LIMA1: variants seen among roughly 807,000 people sequenced by gnomAD.
The protein encoded by LIMA1 is LIM domain and actin-binding protein 1.
In LIMA1, 52 loss-of-function variants were observed where a neutral mutation model predicts 62.6. That is an observed-to-expected ratio of 0.83 (90% CI 0.67 to 1.05). LIMA1 has a LOEUF of 1.05. Ranked by LOEUF, LIMA1 falls within the 50% of genes least tolerant of loss-of-function variation. LIMA1 has a pLI of 0.00. For missense variants in LIMA1, 780 were observed against 902.2 expected, an observed-to-expected ratio of 0.86 and a Z score of 1.74; for synonymous variants, 302 against 317.8, an observed-to-expected ratio of 0.95 and a Z score of 0.53.
At chr12:50,256,674 T>C (rs574118935) in intron 1 of LIMA1, among the ~76,000 whole-genome samples, 1 of 152,318 alleles carries the variant, frequency 6.6e-6, no homozygotes, top group South Asian at 2.1e-4. Context: ...TTATGTAGAA[T>C]GTTCCTCAAT....
chr12:50,264,866 T>G (rs569094401), intron 1 of LIMA1, among the ~76,000 whole-genome samples: 4 of 152,300 alleles, frequency 2.6e-5, no homozygotes, highest in African/African-American at 9.6e-5. Context: ...TTAAAAATAA[T>G]TCATGGCCAG....
chr12:50,240,893 T>C (rs1592548115), intron 2 of LIMA1, among the ~76,000 whole-genome samples: 1 of 151,870 alleles, frequency 6.6e-6, no homozygotes, highest in East Asian at 1.9e-4. Context: ...GAACAAATGA[T>C]AAGAGAGACT....
chr12:50,283,488 G>C lies in LIMA1; in HGVS notation c.-92C>G, dbSNP rs756693593. The stretch of plus-strand genomic sequence containing the variant: ...CACAGGTCCCGGCGCTCTACCTAGC[G>C]CACCTGTCGCGACCAAGCTGCTAAC... On this transcript the variant is annotated 5_prime_UTR_variant, in exon 1 of 11. Coordinates refer to ENST00000341247, the MANE Select transcript of LIMA1 (RefSeq NM_016357.5). 1 of 152,230 alleles carries C rather than the reference G, an allele frequency of 6.6e-6. No homozygotes were observed. Among genetic ancestry groups the C allele is most frequent in the Non-Finnish European group, 1.5e-5 (1 of 68,092 alleles). The allele number at this position is 152,230 out of a possible 1,614,324, so 9.4% of individuals were successfully genotyped here. A position where few individuals can be genotyped will look rare whatever the true frequency, so the allele number is the denominator to read the frequency against.
At chr12:50,205,419 T>C (rs2138487814) in intron 5 of LIMA1, among the ~76,000 whole-genome samples, 1 of 152,240 alleles carries the variant, frequency 6.6e-6, no homozygotes, top group African/African-American at 2.4e-5. Flanking sequence ...AGAAGAGATC[T>C]CAATGCTTTT....
At chr12:50,239,943 G>A (rs544386872) in intron 2 of LIMA1, among the ~76,000 whole-genome samples, 2 of 151,548 alleles carry the variant, frequency 1.3e-5, no homozygotes, top group South Asian at 4.2e-4. Context: ...GCAGTGTGCC[G>A]TGATGGCGCC....
intron 2 of LIMA1, among the ~76,000 whole-genome samples, chr12:50,244,590 T>G (rs1017364710): frequency 2.0e-5 from 3 of 152,180 alleles, no homozygotes; most frequent in Non-Finnish European, 4.4e-5. Flanking sequence ...GGCACACTGA[T>G]TGTAATTAAT....
intron 1 of LIMA1, among the ~76,000 whole-genome samples, chr12:50,280,385 C>G (rs1394972237): frequency 1.3e-5 from 2 of 152,036 alleles, no homozygotes; most frequent in Non-Finnish European, 2.9e-5. Context: ...GTCTCGATCT[C>G]CTGACCTCGT....
At chr12:50,179,747 G>GTT (rs1292477108) in intron 10 of LIMA1, among the ~76,000 whole-genome samples, 1 of 129,830 alleles carries the variant, frequency 7.7e-6, no homozygotes, top group East Asian at 2.3e-4. Flanking sequence ...ATTTTTTGTT[G>GTT]TTTTTTTTTT....
At chr12:50,227,117 T>TTATA (rs1338458077) in intron 3 of LIMA1, among the ~76,000 whole-genome samples, 2 of 151,912 alleles carry the variant, frequency 1.3e-5, no homozygotes, top group Non-Finnish European at 2.9e-5. Context: ...ATAGACAGAG[T>TTATA]TATAGAACTT....
intron 2 of LIMA1, among the ~76,000 whole-genome samples, chr12:50,245,776 G>T (rs943338534): frequency 6.6e-6 from 1 of 152,044 alleles, no homozygotes; most frequent in African/African-American, 2.4e-5. Flanking sequence ...CCACTGCAAT[G>T]AAGGGGAGGA....
At chr12:50,238,587 A>G (rs1409772809) in intron 2 of LIMA1, among the ~76,000 whole-genome samples, 2 of 152,144 alleles carry the variant, frequency 1.3e-5, no homozygotes, top group South Asian at 2.1e-4. Context: ...AGCCGGGTGC[A>G]GTGGCTCATG....
Position 50,222,239 on chromosome 12 carries a change from C to T in LIMA1, c.412G>A (p.Val138Ile), listed in dbSNP as rs144312856. The change falls in exon 4 of 11, where the codon GTT becomes ATT. Residue 138 changes from valine to isoleucine, a missense_variant. Transcript: ENST00000341247. ...TTGATGTGGGGATATCGACCCTGAA[C>T]GAGGGCTTCAGGAGGTGACCTGAGT... is the stretch of plus-strand genomic sequence containing the variant. ...SRLRSPPEAL[V>I]QGRYPHIKDG... The T allele has an allele frequency of 1.1e-4, 176 of 1,614,104 alleles. No homozygotes were observed. Among genetic ancestry groups the T allele is most frequent in the East Asian group, 9.6e-4 (43 of 44,882 alleles).
chr12:50,191,675 G>A (rs1256326495), intron 9 of LIMA1, among the ~76,000 whole-genome samples: 1 of 151,606 alleles, frequency 6.6e-6, no homozygotes, highest in African/African-American at 2.4e-5. Context: ...CAAAAAGTTA[G>A]CCGGGCGTAG....
At position 50,192,572 on chromosome 12, in the gene LIMA1, T is replaced by G; in HGVS notation, c.1031-11A>C. 6.3e-7 allele frequency: 1 copy of G among 1,592,484 alleles called. No homozygotes were observed. The highest frequency in any genetic ancestry group is 8.6e-7 in the Non-Finnish European group (1 of 1,160,332). ...TAACCTGGGAGTCACCTGCTTGAGT[T>G]ACAAAAGGAAGACATTTTACAGTAT... On this transcript the variant is annotated splice_polypyrimidine_tract_variant and intron_variant, in intron 8 of 10. Transcript: ENST00000341247.
At chr12:50,190,681 CATTTTTTTTTTTTTTT>C (rs1565831288) in intron 9 of LIMA1, among the ~76,000 whole-genome samples, 1 of 98,232 alleles carries the variant, frequency 1.0e-5, no homozygotes. Flanking sequence ...CACCCGGCCT[CATTTTTTTTTTTTTTT>C]TTTTTTTTTT....
At position 50,218,914 on chromosome 12, in the gene LIMA1, AAC is replaced by A. The variant is rs1941397265; in HGVS notation, c.630+3105_630+3106del. On this transcript the variant is annotated intron_variant, in intron 4 of 10. Transcript: ENST00000341247. ...TCTCCATAAAAAAAAAAAAAACAAAAACAAAAAAAAAACGCATTTCAAACAAT... is the reference window on the plus strand; with the variant it reads ...TCTCCATAAAAAAAAAAAAAACAAAAAAAAAAAAAACGCATTTCAAACAAT... Among the ~76,000 whole-genome samples, 5 of 149,152 alleles carry A rather than the reference AAC, an allele frequency of 3.4e-5. 1 individual carries two copies. The highest frequency in any genetic ancestry group is 1.0e-4 in the African/African-American group (4 of 39,214).
At chr12:50,218,461 G>A (rs1217775772) in intron 4 of LIMA1, 2 of 152,194 alleles carry the variant, frequency 1.3e-5, no homozygotes, top group Non-Finnish European at 2.9e-5. Flanking sequence ...AAGAAAAAAG[G>A]CAAAGTAGCC....
rs1940372916 is a variant in LIMA1, at chr12:50,177,488, G to A, written c.1856C>T (p.Ser619Leu). 1 of 1,613,788 alleles carries A rather than the reference G, an allele frequency of 6.2e-7. No homozygotes were observed. The highest frequency in any genetic ancestry group is 8.5e-7 in the Non-Finnish European group (1 of 1,179,960). Residue 619 changes from serine to leucine, a missense_variant, in exon 11 of 11, where the codon TCA becomes TTA. Physicochemically the swap from Ser to Leu is moderately radical, Grantham distance 145. Coordinates refer to ENST00000341247, the MANE Select transcript of LIMA1 (RefSeq NM_016357.5). Reference sequence around the variant, plus strand: ...ACCCACAGACTCTTCACTCTGCTCTGACATGCTCCAGCCTTTCCTGATAGG... The same window carrying A: ...ACCCACAGACTCTTCACTCTGCTCTAACATGCTCCAGCCTTTCCTGATAGG... ...SPPIRKGWSM[S>L]EQSEESVGGR...
chr12:50,227,225 CTT>C (rs1197115589), intron 3 of LIMA1, among the ~76,000 whole-genome samples: 2 of 136,918 alleles, frequency 1.5e-5, no homozygotes, highest in African/African-American at 2.7e-5. Context: ...TCTTCACTTT[CTT>C]TTTTCTTTTC....
Sources: gnomAD v4.1 joint callset for allele counts (sites outside exome capture counted in the v4.1 genomes callset) on GRCh38, gnomAD v4.1.1 for gene constraint, MANE v1.5 for transcripts, NCBI Gene and HGNC (gene_info 2026-07-23, HGNC 2026-07-21) for gene names.